SCNN1B: variants seen among roughly 807,000 people sequenced by gnomAD.
The protein encoded by SCNN1B is sodium channel epithelial 1 subunit beta.
Under a neutral mutation model 65.3 loss-of-function variants are expected in SCNN1B, and 46 were observed. The observed-to-expected ratio is 0.70, with a 90% CI of 0.56 to 0.90. SCNN1B has a LOEUF of 0.90. SCNN1B is among the 40% of genes least tolerant of loss of function. SCNN1B has a pLI of 0.00. For missense variants in SCNN1B, 751 were observed against 830.5 expected, an observed-to-expected ratio of 0.90 and a Z score of 1.18; for synonymous variants, 349 against 330.6, an observed-to-expected ratio of 1.06 and a Z score of -0.60.
chr16:23,311,581 C>A (rs1263311006), intron 1 of SCNN1B, among the ~76,000 whole-genome samples: 1 of 152,292 alleles, frequency 6.6e-6, no homozygotes, highest in East Asian at 1.9e-4. Flanking sequence ...TCCCACCTTA[C>A]CCCTACCCCA....
intron 1 of SCNN1B, among the ~76,000 whole-genome samples, chr16:23,337,374 C>CTTTTTTTTTTTTTT (rs11455298): frequency 7.5e-6 from 1 of 134,110 alleles, no homozygotes. Flanking sequence ...CTCTTTCTTT[C>CTTTTTTTTTTTTTT]TTTTTTTTTT....
At chr16:23,326,845 T>C (rs1961707190) in intron 1 of SCNN1B, among the ~76,000 whole-genome samples, 1 of 152,194 alleles carries the variant, frequency 6.6e-6, no homozygotes, top group Non-Finnish European at 1.5e-5. Flanking sequence ...TGGTGACGTC[T>C]GGGTTTTCAG....
At chr16:23,323,571 C>A (rs1251045995) in intron 1 of SCNN1B, 1 of 702,974 alleles carries the variant, frequency 1.4e-6, no homozygotes, top group South Asian at 1.5e-5. Flanking sequence ...AACCAGGGCA[C>A]AGAGAGGGTG....
At chr16:23,321,793 CA>C (rs1276430531) in intron 1 of SCNN1B, among the ~76,000 whole-genome samples, 1 of 152,104 alleles carries the variant, frequency 6.6e-6, no homozygotes, top group East Asian at 1.9e-4. Context: ...GAGTCCGAAG[CA>C]AGAGAATCGC....
intron 1 of SCNN1B, among the ~76,000 whole-genome samples, chr16:23,324,123 C>G (rs968502719): frequency 6.6e-6 from 1 of 151,864 alleles, no homozygotes; most frequent in Non-Finnish European, 1.5e-5. Flanking sequence ...CAAGATCACA[C>G]AGCCACCCAG....
chr16:23,365,517 GAA>G (rs1223082717), intron 4 of SCNN1B, among the ~76,000 whole-genome samples: 15 of 134,566 alleles, frequency 1.1e-4, no homozygotes, highest in Non-Finnish European at 2.1e-4. Flanking sequence ...AGAAAGAAAA[GAA>G]AAAGAGAGAA....
At chr16:23,361,870 C>T (rs539834084) in intron 4 of SCNN1B, among the ~76,000 whole-genome samples, 8 of 152,074 alleles carry the variant, frequency 5.3e-5, no homozygotes, top group African/African-American at 1.4e-4. Flanking sequence ...GACACAATCG[C>T]GTGCCCGATT....
At chr16:23,367,287 TTTTGTTGTTGTTG>T (rs1382324866) in intron 4 of SCNN1B, among the ~76,000 whole-genome samples, 1 of 152,012 alleles carries the variant, frequency 6.6e-6, no homozygotes, top group Non-Finnish European at 1.5e-5. Flanking sequence ...TCTTTTTCAT[TTTTGTTGTTGTTG>T]TTTGTTGTTG....
intron 1 of SCNN1B, among the ~76,000 whole-genome samples, chr16:23,282,549 G>A (rs996698865): frequency 1.3e-5 from 2 of 152,164 alleles, no homozygotes; most frequent in African/African-American, 2.4e-5. Flanking sequence ...AACCCATCAT[G>A]AGTTGAAAAT....
intron 1 of SCNN1B, among the ~76,000 whole-genome samples, chr16:23,339,167 T>A (rs1049084784): frequency 3.3e-5 from 5 of 152,236 alleles, no homozygotes; most frequent in African/African-American, 4.8e-5. Flanking sequence ...CGGCTTAATA[T>A]TTTTTATATA....
chr16:23,303,879 A>G, intron 1 of SCNN1B: 1 of 645,278 alleles, frequency 1.5e-6, no homozygotes, highest in Admixed American at 2.2e-5. Context: ...AGATGGCACC[A>G]TTGCACTCTA....
At chr16:23,355,545 T>G in intron 4 of SCNN1B, 56 bp downstream of exon 4, 1 of 1,572,818 alleles carries the variant, frequency 6.4e-7, no homozygotes, top group Non-Finnish European at 8.7e-7. Flanking sequence ...GACAGTGGCA[T>G]GTTACGGTTG....
intron 2 of SCNN1B, among the ~76,000 whole-genome samples, chr16:23,286,033 C>CAT (rs1207220997): frequency 8.3e-6 from 1 of 120,918 alleles, no homozygotes; most frequent in Non-Finnish European, 1.6e-5. Context: ...TCAATGAATT[C>CAT]ATAATGATAT....
Position 23,380,228 on chromosome 16 carries a change from A to G in SCNN1B, c.1542+59A>G, listed in dbSNP as rs1033209159. ...GCCCTGCCCTGACCCCTGCACCCTGAGGGTGGGGGAAGGGTTCTGAGCCCT... is the reference window on the plus strand; with the variant it reads ...GCCCTGCCCTGACCCCTGCACCCTGGGGGTGGGGGAAGGGTTCTGAGCCCT... On this transcript the variant is annotated intron_variant, in intron 12 of 12. Coordinates refer to ENST00000343070, the MANE Select transcript of SCNN1B (RefSeq NM_000336.3). The surrounding 1 kb of genome is among the most constrained non-coding windows in gnomAD (Gnocchi z 5.4). 7.9e-6 allele frequency: 12 copies of G among 1,524,280 alleles called. No homozygotes were observed. The highest frequency in any genetic ancestry group is 1.0e-5 in the Non-Finnish European group (11 of 1,098,360). 94.4% of individuals were successfully genotyped at this position (1,524,280 alleles called of 1,614,324 possible). A position where few individuals can be genotyped will look rare whatever the true frequency, so the allele number is the denominator to read the frequency against.
chr16:23,314,793 A>G (rs780481293), intron 1 of SCNN1B, among the ~76,000 whole-genome samples: 1 of 152,228 alleles, frequency 6.6e-6, no homozygotes, highest in Non-Finnish European at 1.5e-5. Flanking sequence ...AGGGCGCCAC[A>G]TTCCCAGCCT....
At chr16:23,360,891 T>C (rs1330399530) in intron 4 of SCNN1B, among the ~76,000 whole-genome samples, 3 of 151,894 alleles carry the variant, frequency 2.0e-5, no homozygotes, top group South Asian at 4.2e-4. Flanking sequence ...GCCTCCCGGG[T>C]TCATACCATT....
intron 1 of SCNN1B, among the ~76,000 whole-genome samples, chr16:23,329,978 G>A (rs113257354): frequency 2.3e-3 from 342 of 150,990 alleles, no homozygotes; most frequent in African/African-American, 8.0e-3. Context: ...GGTGAATTGC[G>A]ATTGCACCAC....
intron 3 of SCNN1B, among the ~76,000 whole-genome samples, chr16:23,354,153 G>A (rs992850474): frequency 6.6e-6 from 1 of 152,168 alleles, no homozygotes; most frequent in Non-Finnish European, 1.5e-5. Context: ...GATCTGCTGT[G>A]GTCACACCTT....
chr16:23,378,635 C>T (rs1254511308), intron 10 of SCNN1B, 71 bp from the exon 11 acceptor site: 8 of 1,433,896 alleles, frequency 5.6e-6, no homozygotes, highest in Non-Finnish European at 7.9e-6. Context: ...CTACCTCCCC[C>T]AGGGAACAGA....
Sources: gnomAD v4.1 joint callset for allele counts (sites outside exome capture counted in the v4.1 genomes callset) on GRCh38, gnomAD v4.1.1 for gene constraint, Gnocchi (gnomAD v3.1) non-coding constraint, MANE v1.5 for transcripts, NCBI Gene and HGNC (gene_info 2026-07-23, HGNC 2026-07-21) for gene names.